The following PHC2 variants were observed in gnomAD, a reference collection of about 807,000 sequenced individuals.
PHC2 encodes the protein polyhomeotic homolog 2, also known as polyhomeotic-like protein 2.
Under a neutral mutation model 87.4 loss-of-function variants are expected in PHC2, and 29 were observed. The observed-to-expected ratio is 0.33, with a 90% CI of 0.25 to 0.45. The LOEUF is 0.45. PHC2 is among the 20% of genes least tolerant of loss of function. The probability of loss-of-function intolerance (pLI) is 1.00; values close to 1 mark genes in which losing one functional copy is unlikely to be tolerated. For synonymous variants in PHC2, 438 were observed against 461.7 expected, an observed-to-expected ratio of 0.95 and a Z score of 0.66; for missense variants, 857 against 1,136.7, an observed-to-expected ratio of 0.75 and a Z score of 3.54.
intron 9 of PHC2, among the ~76,000 whole-genome samples, chr1:33,343,036 C>T (rs775761161): frequency 6.6e-6 from 1 of 152,200 alleles, no homozygotes; most frequent in Non-Finnish European, 1.5e-5. Context: ...GTCTTGGTTT[C>T]TCCATCTGTA....
rs1553185711 is a variant in PHC2 at position 33,356,291 on chromosome 1, A to ATT, written c.977-1039_977-1038insAA. ...TATATATATATGTATATATATATAT[A>ATT]TATTTATTTATTTAGTATTTATTGA... On this transcript the variant is annotated intron_variant, in intron 7 of 14. Coordinates refer to ENST00000683057, the MANE Select transcript of PHC2 (RefSeq NM_001385109.1). Among the ~76,000 whole-genome samples the ATT allele has an allele frequency of 1.6e-3, 221 of 139,546 alleles. 2 individuals are homozygous for ATT. Among genetic ancestry groups the ATT allele is most frequent in the African/African-American group, 5.5e-3 (203 of 37,058 alleles). The allele number at this position is 139,546 out of a possible 152,430, so 91.5% of individuals were successfully genotyped here.
intron 1 of PHC2, among the ~76,000 whole-genome samples, chr1:33,381,503 C>CA (rs1179326205): frequency 6.6e-6 from 1 of 152,016 alleles, no homozygotes; most frequent in Non-Finnish European, 1.5e-5. Context: ...CAAGCACTAT[C>CA]ATAGATACTA....
intron 9 of PHC2, among the ~76,000 whole-genome samples, chr1:33,348,632 G>C (rs368161177): frequency 6.6e-6 from 1 of 152,224 alleles, no homozygotes; most frequent in African/African-American, 2.4e-5. Flanking sequence ...AGCTTATTTT[G>C]CAAGGGATCC....
intron 1 of PHC2, among the ~76,000 whole-genome samples, chr1:33,406,785 G>A (rs182578368): frequency 6.6e-6 from 1 of 152,206 alleles, no homozygotes; most frequent in East Asian, 1.9e-4. Context: ...AATTTATTAG[G>A]CTTCTTTAAT....
intron 1 of PHC2, among the ~76,000 whole-genome samples, chr1:33,407,759 G>C (rs948050303): frequency 2.6e-5 from 4 of 152,130 alleles, no homozygotes; most frequent in African/African-American, 9.7e-5. Context: ...TATTCTAAGA[G>C]ATAGTATTTT....
At chr1:33,375,345 C>G (rs1648111944) in intron 2 of PHC2, 21 bp downstream of exon 2, 6 of 1,514,184 alleles carry the variant, frequency 4.0e-6, no homozygotes, top group Admixed American at 2.0e-5. Context: ...AGTATAATTC[C>G]CAGATCAATT....
intron 7 of PHC2, among the ~76,000 whole-genome samples, chr1:33,356,131 ATC>A (rs1400426243): frequency 2.0e-5 from 3 of 151,468 alleles, no homozygotes; most frequent in African/African-American, 7.3e-5. Context: ...AACTTTGTGT[ATC>A]TCTTTTTCCA....
chr1:33,420,050 G>A (rs1650372987), intron 1 of PHC2, among the ~76,000 whole-genome samples: 1 of 152,088 alleles, frequency 6.6e-6, no homozygotes, highest in African/African-American at 2.4e-5. Flanking sequence ...TGGGGATAAG[G>A]AGCTAATATA....
intron 7 of PHC2, chr1:33,363,049 G>A (rs141943799): frequency 1.3e-5 from 2 of 148,202 alleles, no homozygotes; most frequent in Admixed American, 6.7e-5. Flanking sequence ...TCATTAACTG[G>A]TAATTATTAC....
At chr1:33,427,247 T>G (rs952196022) in intron 1 of PHC2, among the ~76,000 whole-genome samples, 10 of 152,312 alleles carry the variant, frequency 6.6e-5, no homozygotes, top group African/African-American at 2.2e-4. Context: ...GCCTAGCACA[T>G]AGTGAGCACT....
At chr1:33,362,230 A>G (rs537253030) in intron 7 of PHC2, among the ~76,000 whole-genome samples, 3 of 152,358 alleles carry the variant, frequency 2.0e-5, no homozygotes, top group African/African-American at 4.8e-5. Flanking sequence ...CCTTTGCTCA[A>G]TGCCTATTAG....
chr1:33,360,367 C>G (rs776340568), intron 7 of PHC2, among the ~76,000 whole-genome samples: 4 of 152,262 alleles, frequency 2.6e-5, no homozygotes, highest in Non-Finnish European at 4.4e-5. Context: ...TGCCCCTACC[C>G]TGCCCTTGGC....
chr1:33,426,950 T>C (rs1191865956), intron 1 of PHC2, among the ~76,000 whole-genome samples: 3 of 151,918 alleles, frequency 2.0e-5, no homozygotes, highest in Non-Finnish European at 4.4e-5. Context: ...AACAAGAGAG[T>C]ATTAAACCAA....
At chr1:33,355,300 TCTG>T (rs757759133) in intron 7 of PHC2, 47 bp from the exon 8 acceptor site, 1 of 1,481,634 alleles carries the variant, frequency 6.7e-7, no homozygotes, top group East Asian at 2.3e-5. Context: ...GACCTTCTCT[TCTG>T]CTGTGTCTTC....
intron 1 of PHC2, among the ~76,000 whole-genome samples, chr1:33,391,610 A>G (rs914388433): frequency 6.6e-6 from 1 of 152,068 alleles, no homozygotes; most frequent in African/African-American, 2.4e-5. Flanking sequence ...CTCCTACAAA[A>G]TGGTCCCCTC....
chr1:33,384,417 T>C (rs1482027412), intron 1 of PHC2, among the ~76,000 whole-genome samples: 39 of 152,256 alleles, frequency 2.6e-4, no homozygotes. Flanking sequence ...AAAAAGGGGC[T>C]AGAATTTGAG....
intron 1 of PHC2, among the ~76,000 whole-genome samples, chr1:33,410,464 T>A (rs192792771): frequency 1.3e-5 from 2 of 152,324 alleles, no homozygotes; most frequent in East Asian, 3.9e-4. Flanking sequence ...AAAGAGTTGA[T>A]GAGAGCACCT....
Position 33,368,942 on chromosome 1 carries a change from G to A in PHC2, c.577-320C>T, listed in dbSNP as rs1192228172. Among the ~76,000 whole-genome samples, 3 of 152,240 alleles carry A rather than the reference G, an allele frequency of 2.0e-5. No individual in the cohort carries two copies. In the East Asian group the frequency reaches 5.8e-4, roughly 29 times the overall value. On this transcript the variant is annotated intron_variant, in intron 5 of 14. Coordinates refer to ENST00000683057, the MANE Select transcript of PHC2 (RefSeq NM_001385109.1). This position sits in a 1 kb window ranked among gnomAD's most constrained non-coding sequence, Gnocchi z 6.6. ...GAGTTCCCTTCAGAACCCTCTGTGA[G>A]GGGCTCATCCTAGAGGAGACCGATA... is the stretch of plus-strand genomic sequence containing the variant.
intron 3 of PHC2, 64 bp from the exon 4 acceptor site, chr1:33,371,158 A>T: frequency 2.3e-6 from 3 of 1,317,358 alleles, no homozygotes; most frequent in Non-Finnish European, 3.3e-6. Context: ...CTGGGCTCTC[A>T]TCATCCACAG....
Sources: allele counts gnomAD v4.1 joint callset (sites outside exome capture counted in the v4.1 genomes callset), GRCh38; gene constraint gnomAD v4.1.1; non-coding constraint Gnocchi (gnomAD v3.1); transcripts MANE v1.5; gene names NCBI Gene and HGNC (gene_info 2026-07-23, HGNC 2026-07-21).